Variants in PLAC1 observed in about 807,000 individuals in gnomAD.
PLAC1 encodes placenta associated 1, also known as placenta-specific protein 1.
For missense variants in PLAC1, 136 were observed against 163.2 expected, an observed-to-expected ratio of 0.83 and a Z score of 0.91; for synonymous variants, 68 against 62.1, an observed-to-expected ratio of 1.09 and a Z score of -0.44.
chrX:134,750,815 ATAT>A (rs2078739773), intron 1 of PLAC1, among the ~76,000 whole-genome samples: 1 of 17,399 alleles, frequency 5.7e-5, no homozygotes, highest in African/African-American at 3.1e-4. Flanking sequence ...AAAAAAAAAT[ATAT>A]ATATATATAT....
chrX:134,636,744 G>C (rs913852117), intron 1 of PLAC1, among the ~76,000 whole-genome samples: 1 of 111,976 alleles, frequency 8.9e-6, no homozygotes, highest in Non-Finnish European at 1.9e-5. Flanking sequence ...AAGATATCAC[G>C]CTCCCTTGTG....
At chrX:134,598,057 A>G (rs1217687690) in intron 2 of PLAC1, among the ~76,000 whole-genome samples, 1 of 112,178 alleles carries the variant, frequency 8.9e-6, no homozygotes, top group African/African-American at 3.2e-5. Context: ...TAGGGTTTAT[A>G]GTTGTACTTA....
At chrX:134,622,520 G>A (rs2078215823) in intron 1 of PLAC1, among the ~76,000 whole-genome samples, 1 of 111,178 alleles carries the variant, frequency 9.0e-6, no homozygotes, top group Non-Finnish European at 1.9e-5. Context: ...AAAATCGGAT[G>A]GGTAAACTAG....
chrX:134,700,433 G>C (rs891457486), intron 2 of PLAC1, among the ~76,000 whole-genome samples: 2 of 111,634 alleles, frequency 1.8e-5, no homozygotes, highest in Admixed American at 9.6e-5. Context: ...GCTTGAGGAA[G>C]TCTTGGCCAG....
chrX:134,649,129 G>A (rs766891885), intron 1 of PLAC1, among the ~76,000 whole-genome samples: 5 of 109,035 alleles, frequency 4.6e-5, no homozygotes, highest in Non-Finnish European at 9.5e-5. Context: ...TTAGCAGGGC[G>A]TGGTGGCGGG....
intron 1 of PLAC1, among the ~76,000 whole-genome samples, chrX:134,626,044 AG>A (rs1308685388): frequency 3.6e-5 from 4 of 110,974 alleles, no homozygotes. Flanking sequence ...AGGAGCAAAA[AG>A]TGGAGCAGAT....
intron 2 of PLAC1, among the ~76,000 whole-genome samples, chrX:134,580,150 A>G (rs760337650): frequency 8.9e-6 from 1 of 112,274 alleles, no homozygotes; most frequent in South Asian, 3.7e-4. Flanking sequence ...AAATAATCCT[A>G]CTTTTTAAAG....
intron 2 of PLAC1, among the ~76,000 whole-genome samples, chrX:134,697,520 T>C (rs759993804): frequency 1.8e-5 from 2 of 112,483 alleles, no homozygotes; most frequent in South Asian, 3.7e-4. Flanking sequence ...CTGTGTCTAC[T>C]GGATACTTAA....
rs1310558811 is a variant in PLAC1, at chrX:134,611,683, T to A, written c.-130-9561A>T. Among the ~76,000 whole-genome samples, 4 of 110,325 alleles carry A rather than the reference T, an allele frequency of 3.6e-5. No homozygotes were observed. The East Asian group carries it at 1.1e-3, about 31-fold the overall frequency. Reference sequence around the variant, plus strand: ...CGCAAAAGAATGAATAAGAGTTCAATGCGGTAGTTAGATGCACAGTGGACA... The same window carrying A: ...CGCAAAAGAATGAATAAGAGTTCAAAGCGGTAGTTAGATGCACAGTGGACA... On this transcript the variant is annotated intron_variant, in intron 1 of 2. Coordinates refer to ENST00000359237, the MANE Select transcript of PLAC1 (RefSeq NM_021796.4).
intron 2 of PLAC1, among the ~76,000 whole-genome samples, chrX:134,578,313 TGAGGCAGGAGAATGG>T (rs2077951973): frequency 9.7e-6 from 1 of 103,032 alleles, no homozygotes; most frequent in Non-Finnish European, 2.0e-5. Context: ...CTTGGGAGGC[TGAGGCAGGAGAATGG>T]CGTGAACCCG....
intron 2 of PLAC1, among the ~76,000 whole-genome samples, chrX:134,699,045 AC>A (rs1236802955): frequency 2.7e-5 from 3 of 110,707 alleles, no homozygotes; most frequent in Non-Finnish European, 5.7e-5. Flanking sequence ...TCAAATCTCT[AC>A]CTTTTTGTCT....
intron 1 of PLAC1, among the ~76,000 whole-genome samples, chrX:134,603,207 G>C (rs1307908086): frequency 1.1e-5 from 1 of 87,897 alleles, no homozygotes; most frequent in African/African-American, 4.2e-5. Context: ...TGAGGAGTGG[G>C]ACTGGGGATG....
chrX:134,748,214 C>T (rs760477278), intron 1 of PLAC1, among the ~76,000 whole-genome samples: 5 of 109,538 alleles, frequency 4.6e-5, no homozygotes, highest in Non-Finnish European at 7.6e-5. Context: ...CCTGTAATCT[C>T]GGCTACTCAG....
At chrX:134,673,136 A>G (rs1431347895) in intron 2 of PLAC1, among the ~76,000 whole-genome samples, 3 of 111,264 alleles carry the variant, frequency 2.7e-5, no homozygotes, top group Non-Finnish European at 3.8e-5. Context: ...AGGCTAAAGT[A>G]TTTTTAAAAT....
chrX:134,630,725 G>T (rs1483580312), intron 1 of PLAC1, among the ~76,000 whole-genome samples: 1 of 111,829 alleles, frequency 8.9e-6, no homozygotes, highest in Non-Finnish European at 1.9e-5. Context: ...CTACTAGTGC[G>T]ATCTTGGCCA....
At chrX:134,683,677 G>T (rs1332152973) in intron 2 of PLAC1, among the ~76,000 whole-genome samples, 1 of 111,881 alleles carries the variant, frequency 8.9e-6, no homozygotes, top group Non-Finnish European at 1.9e-5. Flanking sequence ...CAAACATGGA[G>T]TGTCTATGTG....
At chrX:134,638,943 C>T (rs1284059617) in intron 1 of PLAC1, among the ~76,000 whole-genome samples, 2 of 111,508 alleles carry the variant, frequency 1.8e-5, no homozygotes, top group African/African-American at 6.5e-5. Context: ...TCCCACCCTC[C>T]ACCCTCAGTT....
Position 134,713,195 on chromosome X carries a change from GAATA to G in PLAC1, n.174+20236_174+20239del, listed in dbSNP as rs781425948. Among the ~76,000 whole-genome samples, 598 of 111,605 alleles carry G rather than the reference GAATA, an allele frequency of 5.4e-3. 3 individuals carry two copies. Among genetic ancestry groups the G allele is most frequent in the African/African-American group, 0.019 (588 of 30,677 alleles). On this transcript the variant is annotated intron_variant and non_coding_transcript_variant, in intron 2 of 2. Transcript: ENST00000466797. ...CCGCAAAAAAGTTTGTTGATGGATT[GAATA>G]AATGAATGAATGAAGAGCTTCCGAC...
chrX:134,708,129 A>G (rs943577452), intron 2 of PLAC1, among the ~76,000 whole-genome samples: 1 of 112,349 alleles, frequency 8.9e-6, no homozygotes, highest in African/African-American at 3.2e-5. Flanking sequence ...ACGTCCCTCA[A>G]CAAGTGAACG....
Sources: gnomAD v4.1 joint callset for allele counts (sites outside exome capture counted in the v4.1 genomes callset) on GRCh38, gnomAD v4.1.1 for gene constraint, MANE v1.5 for transcripts, NCBI Gene and HGNC (gene_info 2026-07-23, HGNC 2026-07-21) for gene names.